OCA2: variants seen among roughly 807,000 people sequenced by gnomAD.
The protein encoded by OCA2 is P protein.
Under a neutral mutation model 100.2 loss-of-function variants are expected in OCA2, and 77 were observed. That is an observed-to-expected ratio of 0.77 (90% CI 0.64 to 0.93). The LOEUF (loss-of-function observed/expected upper bound fraction) is 0.93, where lower values mean the gene tolerates loss of function less well. OCA2 is among the 40% of genes least tolerant of loss of function. The pLI, the probability that OCA2 is intolerant of heterozygous loss-of-function variation, is 0.00. For missense variants in OCA2, 1,062 were observed against 1,089.1 expected (o/e 0.98, Z 0.35); for synonymous variants, 432 against 439.2 (o/e 0.98, Z 0.21).
chr15:27,728,401 T>A, the OCA2 span, among the ~76,000 whole-genome samples: 1 of 152,318 alleles, frequency 6.6e-6, no homozygotes, highest in South Asian at 2.1e-4. Context: ...ACCCCCTTTT[T>A]TTTTTCTAAA....
chr15:27,887,837 T>C (rs72710568), intron 19 of OCA2, among the ~76,000 whole-genome samples: 37,535 of 151,162 alleles, frequency 0.25, 5,622 homozygotes, highest in East Asian at 0.57. Flanking sequence ...CAGGGGAACA[T>C]GTCCCCCTGT....
chr15:27,937,678 T>A (rs970246157), intron 18 of OCA2, among the ~76,000 whole-genome samples: 2 of 152,246 alleles, frequency 1.3e-5, no homozygotes, highest in Non-Finnish European at 2.9e-5. Flanking sequence ...TCTCATATGC[T>A]TACTAATACT....
At chr15:27,867,012 C>T (rs2036351688) in intron 21 of OCA2, among the ~76,000 whole-genome samples, 1 of 152,230 alleles carries the variant, frequency 6.6e-6, no homozygotes, top group African/African-American at 2.4e-5. Context: ...GCACTCAGGG[C>T]AAGCTGCAAA....
intron 23 of OCA2, among the ~76,000 whole-genome samples, chr15:27,828,609 A>G (rs2034825747): frequency 6.6e-6 from 1 of 152,172 alleles, no homozygotes; most frequent in South Asian, 2.1e-4. Context: ...CCCATGGCCG[A>G]GACAAATACA....
intron 23 of OCA2, among the ~76,000 whole-genome samples, chr15:27,843,942 G>A (rs1341730394): frequency 1.3e-5 from 2 of 152,114 alleles, no homozygotes; most frequent in Non-Finnish European, 2.9e-5. Context: ...TTTACCCGAG[G>A]CTGGTTCTGA....
At chr15:27,887,808 C>T (rs907838251) in intron 19 of OCA2, among the ~76,000 whole-genome samples, 1 of 151,510 alleles carries the variant, frequency 6.6e-6, no homozygotes. Flanking sequence ...GCTTGTTCCT[C>T]CCTTGGATGA....
rs180867649 is a variant in OCA2, at chr15:27,789,880, G to A, written c.2433-34408C>T. Among the ~76,000 whole-genome samples the A allele has an allele frequency of 1.1e-4, 17 of 152,248 alleles. No individual in the cohort carries two copies. The East Asian group carries it at 3.3e-3, about 29-fold the overall frequency. On this transcript the variant is annotated intron_variant, in intron 23 of 23. Transcript: ENST00000354638. ...TAAGAGAAAATCTTTGTGATCTTGT[G>A]CTAGCCAAAAATTTCTTAAATATAA... is the stretch of plus-strand genomic sequence containing the variant.
At chr15:27,871,436 G>A (rs1456105908) in intron 20 of OCA2, among the ~76,000 whole-genome samples, 178 bp from the exon 21 acceptor site, 2 of 152,182 alleles carry the variant, frequency 1.3e-5, no homozygotes, top group Non-Finnish European at 2.9e-5. Flanking sequence ...CCTCTGCTGG[G>A]TTTCTACCAG....
intron 14 of OCA2, among the ~76,000 whole-genome samples, chr15:27,978,819 A>G (rs1431241910): frequency 6.6e-6 from 1 of 151,844 alleles, no homozygotes; most frequent in Non-Finnish European, 1.5e-5. Flanking sequence ...CCAAGTAGCT[A>G]GGATTCCACG....
chr15:27,871,763 A>T, intron 20 of OCA2, 100 bp downstream of exon 20: 1 of 862,310 alleles, frequency 1.2e-6, no homozygotes, highest in Non-Finnish European at 1.9e-6. Context: ...TTACATAATT[A>T]ATGGGACCTG....
rs866095719 is a variant in OCA2 at position 27,771,122 on chromosome 15, T to C, written c.2433-15650A>G. Among the ~76,000 whole-genome samples the C allele has an allele frequency of 1.8e-4, 22 of 120,768 alleles. No individual in the cohort carries two copies. In the South Asian group the frequency reaches 4.4e-3, roughly 24 times the overall value. The allele number at this position is 120,768 out of a possible 152,430, so 79.2% of individuals were successfully genotyped here. A position where few individuals can be genotyped will look rare whatever the true frequency, so the allele number is the denominator to read the frequency against. On this transcript the variant is annotated intron_variant, in intron 23 of 23. Coordinates refer to ENST00000354638, the MANE Select transcript of OCA2 (RefSeq NM_000275.3). ...CCATTTTTTGCTTCCTTCTTCCTTC[T>C]TTCCTTCCCTCCCTTCCTTCCCTCC...
rs564032977 is a variant in OCA2, at chr15:28,091,385, T to C, written c.-22+7839A>G. On this transcript the variant is annotated intron_variant, in intron 1 of 23. Transcript: ENST00000354638. ...ACAAAGAAAAAATACTACAGGCCAATATCTCTTATGAATATGGTGCAAAAA... is the reference window on the plus strand; with the variant it reads ...ACAAAGAAAAAATACTACAGGCCAACATCTCTTATGAATATGGTGCAAAAA... Among the ~76,000 whole-genome samples, 16 of 152,250 alleles carry C rather than the reference T, an allele frequency of 1.1e-4. No homozygotes were observed. In the South Asian group the frequency reaches 2.9e-3, roughly 28 times the overall value.
intron 23 of OCA2, among the ~76,000 whole-genome samples, chr15:27,824,423 G>C (rs949084692): frequency 1.3e-5 from 2 of 151,514 alleles, no homozygotes; most frequent in Non-Finnish European, 2.9e-5. Context: ...CCTATGACAT[G>C]ATGCACAAAA....
chr15:27,992,353 G>A (rs184160750), intron 9 of OCA2, among the ~76,000 whole-genome samples: 265 of 152,170 alleles, frequency 1.7e-3, no homozygotes, highest in African/African-American at 6.1e-3. Context: ...CACCCACCTC[G>A]CCTCCCAAAC....
chr15:27,933,876 G>C (rs1038859090), intron 18 of OCA2, among the ~76,000 whole-genome samples: 7 of 152,126 alleles, frequency 4.6e-5, no homozygotes, highest in African/African-American at 1.7e-4. Context: ...TGTGCTCAGA[G>C]GCCTGACAGT....
At chr15:27,828,534 T>C (rs552682515) in intron 23 of OCA2, among the ~76,000 whole-genome samples, 33 of 152,296 alleles carry the variant, frequency 2.2e-4, no homozygotes, top group African/African-American at 7.7e-4. Flanking sequence ...AAATTCAATT[T>C]TTGCCTCAAA....
intron 19 of OCA2, among the ~76,000 whole-genome samples, chr15:27,913,801 AAC>A: frequency 1.7e-5 from 2 of 120,292 alleles, no homozygotes. Flanking sequence ...GCAGAGACAC[AAC>A]AAAAAAAAAA....
At position 28,024,835 on chromosome 15, in the gene OCA2, A is replaced by T. The variant is rs764394478; in HGVS notation, c.573+10T>A. The stretch of plus-strand genomic sequence containing the variant: ...CCCAACAGTAGTGCTGGGGCAGCTA[A>T]GGTACTCACAGAACACAGCACCACA... On this transcript the variant is annotated intron_variant, in intron 5 of 23. Transcript: ENST00000354638. 6.2e-7 allele frequency: 1 copy of T among 1,614,124 alleles called. No individual in the cohort carries two copies. The highest frequency in any genetic ancestry group is 8.5e-7 in the Non-Finnish European group (1 of 1,179,946).
At chr15:28,019,506 A>G (rs1251290131) in intron 6 of OCA2, among the ~76,000 whole-genome samples, 1 of 152,112 alleles carries the variant, frequency 6.6e-6, no homozygotes, top group Admixed American at 6.5e-5. Context: ...CCCTGCAACT[A>G]CCGAACCGAC....
Sources: gnomAD v4.1 joint callset for allele counts (sites outside exome capture counted in the v4.1 genomes callset) on GRCh38, gnomAD v4.1.1 for gene constraint, MANE v1.5 for transcripts, NCBI Gene and HGNC (gene_info 2026-07-23, HGNC 2026-07-21) for gene names.